PCDHGB2: variants seen among roughly 807,000 people sequenced by gnomAD.
The protein encoded by PCDHGB2 is protocadherin gamma-B2.
PCDHGB2 carries 55 observed loss-of-function variants against 59.3 expected under a neutral mutation model. That is an observed-to-expected ratio of 0.93 (90% CI 0.75 to 1.16). The LOEUF is 1.16. Ranked by LOEUF, PCDHGB2 falls within the 50% of genes most tolerant of loss-of-function variation. PCDHGB2 has a pLI of 0.00. For synonymous variants in PCDHGB2, 516 were observed against 512.0 expected (o/e 1.01, Z -0.11); for missense variants, 1,228 against 1,198.5 (o/e 1.02, Z -0.36).
intron 1 of PCDHGB2, chr5:141,412,915 T>C (rs1167427710): frequency 2.0e-5 from 8 of 407,356 alleles, no homozygotes; most frequent in Non-Finnish European, 2.6e-5. Flanking sequence ...ATGTATCACT[T>C]GGGTGCAGTA....
intron 1 of PCDHGB2, chr5:141,429,167 T>TAC (rs1357037045): frequency 6.6e-5 from 9 of 136,102 alleles, no homozygotes; most frequent in African/African-American, 8.8e-5. Context: ...AGACATTGTT[T>TAC]ATACACACAC....
At chr5:141,378,089 T>C (rs1272599640) in intron 1 of PCDHGB2, 1 of 152,254 alleles carries the variant, frequency 6.6e-6, no homozygotes, top group East Asian at 1.9e-4. Flanking sequence ...TATAACTTTT[T>C]TTCAAACTCT....
chr5:141,423,848 G>C (rs1353181066), intron 1 of PCDHGB2: 1 of 1,277,462 alleles, frequency 7.8e-7, no homozygotes, highest in Non-Finnish European at 9.9e-7. Flanking sequence ...TAATCTTTCA[G>C]AACGTTTTTG....
Position 141,487,165 on chromosome 5 carries a change from C to T in PCDHGB2, c.2422-7642C>T, listed in dbSNP as rs1014219030. The T allele has an allele frequency of 1.9e-6, 3 of 1,612,932 alleles. No homozygotes were observed. The highest frequency in any genetic ancestry group is 2.5e-6 in the Non-Finnish European group (3 of 1,178,918). On this transcript the variant is annotated intron_variant, in intron 1 of 3. Coordinates refer to ENST00000522605, the MANE Select transcript of PCDHGB2 (RefSeq NM_018923.3). The surrounding 1 kb of genome is among the most constrained non-coding windows in gnomAD (Gnocchi z 5.0). ...CTACCTCTGTTACTCTCTTAGTGTC[C>T]TTAGAGGAAGACACTCATCCAGTTG...
rs1260935778 is a variant in PCDHGB2 at position 141,360,689 on chromosome 5, C to T, written c.554C>T (p.Thr185Ile). ...NEYFDLAEKQ[T>I]PDGRKYPELI... ...TACTTTGATCTCGCTGAGAAACAGA[C>T]TCCAGATGGTCGTAAATATCCTGAG... Residue 185 changes from threonine (T) to isoleucine (I), a missense_variant, in exon 1 of 4, where the codon ACT becomes ATT. Transcript: ENST00000522605. 3 of 1,613,874 alleles carry T rather than the reference C, an allele frequency of 1.9e-6. No homozygotes were observed. The African/African-American group carries it at 4.0e-5, about 22-fold the overall frequency.
chr5:141,366,268 C>G, intron 1 of PCDHGB2: 2 of 1,613,720 alleles, frequency 1.2e-6, no homozygotes, highest in Non-Finnish European at 1.7e-6. Flanking sequence ...TGGTGGCCGT[C>G]GAAGACCATG....
At position 141,489,436 on chromosome 5, in the gene PCDHGB2, T is replaced by C. The variant is rs1002519; in HGVS notation, c.2422-5371T>C. 0.23 allele frequency: 369,130 copies of C among 1,613,832 alleles called. 44,340 individuals are homozygous for C. The highest frequency in any genetic ancestry group is 0.38 in the Admixed American group (23,024 of 60,000). On this transcript the variant is annotated intron_variant, in intron 1 of 3. Transcript: ENST00000522605. The surrounding 1 kb of genome is among the most constrained non-coding windows in gnomAD (Gnocchi z 4.5). ...AGATCTGTTGAGCCGGCGGCTGCAATTGGGCTCTGAGGAGAATGGGCGCTA... is the reference window on the plus strand; with the variant it reads ...AGATCTGTTGAGCCGGCGGCTGCAACTGGGCTCTGAGGAGAATGGGCGCTA...
chr5:141,476,179 T>C lies in PCDHGB2; in HGVS notation c.2422-18628T>C, dbSNP rs1283155400. 26 of 1,613,476 alleles carry C rather than the reference T, an allele frequency of 1.6e-5. No homozygotes were observed. The highest frequency in any genetic ancestry group is 2.0e-5 in the Non-Finnish European group (24 of 1,179,998). On this transcript the variant is annotated intron_variant, in intron 1 of 3. Transcript: ENST00000522605. This position sits in a 1 kb window ranked among gnomAD's most constrained non-coding sequence, Gnocchi z 7.6. Reference sequence around the variant, plus strand: ...CCGGGAGGGTAGTGGGAGTTTTGCTTCTGCTTGGTGCCTTGAACAAGGCTT... The same window carrying C: ...CCGGGAGGGTAGTGGGAGTTTTGCTCCTGCTTGGTGCCTTGAACAAGGCTT...
At chr5:141,399,409 CT>C in intron 1 of PCDHGB2, 2 of 1,614,052 alleles carry the variant, frequency 1.2e-6, no homozygotes, top group South Asian at 2.2e-5. Flanking sequence ...CAAGCCGCCC[CT>C]CTCCTCCAGC....
In PCDHGB2 at chr5:141,360,767, T is replaced by C. The variant is rs535475793; in HGVS notation, c.632T>C (p.Val211Ala). ...DREEHSLHQL[V>A]LTAVDGGDPP... ...GAAGAGCACAGTTTACATCAATTGG[T>C]CCTCACAGCTGTGGATGGCGGAGAC... The change falls in exon 1 of 4, where the codon GTC becomes GCC. Residue 211 changes from valine to alanine, a missense_variant. Physicochemically the swap from Val to Ala is moderately conservative, Grantham distance 64. Around this residue, in one of 3 missense-constraint regions of PCDHGB2, gnomAD observed 781 missense variants for 721.6 expected, o/e 1.08. Coordinates refer to ENST00000522605, the MANE Select transcript of PCDHGB2 (RefSeq NM_018923.3). 8 of 1,613,940 alleles carry C rather than the reference T, an allele frequency of 5.0e-6. No homozygotes were observed. Among genetic ancestry groups the C allele is most frequent in the Non-Finnish European group, 6.8e-6 (8 of 1,179,898 alleles).
intron 1 of PCDHGB2, chr5:141,366,262 G>A: frequency 6.2e-7 from 1 of 1,613,718 alleles, no homozygotes; most frequent in Non-Finnish European, 8.5e-7. Flanking sequence ...GCCTCGTGGT[G>A]GCCGTCGAAG....
At chr5:141,396,060 G>A (rs1309175410) in intron 1 of PCDHGB2, 1 of 152,318 alleles carries the variant, frequency 6.6e-6, no homozygotes, top group East Asian at 1.9e-4. Flanking sequence ...CCAATTAGCT[G>A]TTTCGGTTGT....
chr5:141,400,579 A>G (rs748573702), intron 1 of PCDHGB2: 2 of 1,610,854 alleles, frequency 1.2e-6, no homozygotes, highest in Non-Finnish European at 1.7e-6. Flanking sequence ...TTCTGTATTT[A>G]CATGAAACTA....
At chr5:141,393,114 C>A (rs750579370) in intron 1 of PCDHGB2, 3 of 1,613,300 alleles carry the variant, frequency 1.9e-6, no homozygotes, top group South Asian at 2.2e-5. Context: ...TCAGAGCCCG[C>A]GGTGTCTGAT....
intron 1 of PCDHGB2, chr5:141,404,393 A>G: frequency 6.2e-7 from 1 of 1,613,962 alleles, no homozygotes; most frequent in Non-Finnish European, 8.5e-7. Flanking sequence ...TGACCCTGAT[A>G]GCAATGAGAA....
At chr5:141,464,189 C>T (rs1215955823) in intron 1 of PCDHGB2, among the ~76,000 whole-genome samples, 1 of 150,620 alleles carries the variant, frequency 6.6e-6, no homozygotes, top group Non-Finnish European at 1.5e-5. Context: ...TGCTTGATTT[C>T]AGGAGGCGGA....
intron 1 of PCDHGB2, chr5:141,428,184 C>G: frequency 6.8e-7 from 1 of 1,463,674 alleles, no homozygotes; most frequent in Middle Eastern, 1.7e-4. Flanking sequence ...GGAGGACAGC[C>G]GCCGCTCTCT....
At chr5:141,362,759 A>G in intron 1 of PCDHGB2, 3 of 647,296 alleles carry the variant, frequency 4.6e-6, no homozygotes, top group Non-Finnish European at 7.8e-6. Flanking sequence ...AACCTTTATC[A>G]CATGAGATAT....
Position 141,477,780 on chromosome 5 carries a change from T to C in PCDHGB2, c.2422-17027T>C. On this transcript the variant is annotated intron_variant, in intron 1 of 3. Coordinates refer to ENST00000522605, the MANE Select transcript of PCDHGB2 (RefSeq NM_018923.3). The surrounding 1 kb of genome is among the most constrained non-coding windows in gnomAD (Gnocchi z 4.9). ...CTAGCCACCAACATCAGCGTGAACA[T>C]ATTTGTCACTGATCGCAATGACAAT... 6.2e-7 allele frequency: 1 copy of C among 1,614,048 alleles called. No homozygotes were observed. Among genetic ancestry groups the C allele is most frequent in the Non-Finnish European group, 8.5e-7 (1 of 1,180,030 alleles).
Sources: allele counts gnomAD v4.1 joint callset (sites outside exome capture counted in the v4.1 genomes callset), GRCh38; gene constraint gnomAD v4.1.1; regional missense constraint gnomAD v4.1.1; non-coding constraint Gnocchi (gnomAD v3.1); transcripts MANE v1.5; gene names NCBI Gene and HGNC (gene_info 2026-07-23, HGNC 2026-07-21).